CCNY: variants seen among roughly 807,000 people sequenced by gnomAD.
CCNY encodes cyclin Y.
A neutral mutation model predicts 42.8 loss-of-function variants in CCNY; 19 were observed. The observed-to-expected ratio is 0.44, with a 90% confidence interval of 0.31 to 0.65. The LOEUF is 0.65. Ranked by LOEUF, CCNY falls within the 30% of genes least tolerant of loss-of-function variation. CCNY has a pLI of 0.07. For missense variants in CCNY, 370 were observed against 437.3 expected (o/e 0.85, Z 1.37); for synonymous variants, 165 against 162.7 (o/e 1.01, Z -0.11).
chr10:35,478,481 G>A (rs1270133038), intron 1 of CCNY, among the ~76,000 whole-genome samples: 2 of 151,732 alleles, frequency 1.3e-5, no homozygotes, highest in South Asian at 2.1e-4. Flanking sequence ...CAGAAATAAC[G>A]CCGCATATCT....
At chr10:35,478,990 A>C (rs1310140814) in intron 1 of CCNY, among the ~76,000 whole-genome samples, 1 of 152,254 alleles carries the variant, frequency 6.6e-6, no homozygotes, top group Non-Finnish European at 1.5e-5. Context: ...ATGCAGCCAA[A>C]AAACACGTGA....
At chr10:35,439,194 A>T (rs1241484023) in intron 1 of CCNY, among the ~76,000 whole-genome samples, 1 of 152,164 alleles carries the variant, frequency 6.6e-6, no homozygotes, top group Non-Finnish European at 1.5e-5. Context: ...ATACTTTCCA[A>T]GCCCTGCCCG....
intron 7 of CCNY, among the ~76,000 whole-genome samples, chr10:35,552,298 T>A (rs1400367203): frequency 1.3e-5 from 2 of 152,220 alleles, no homozygotes; most frequent in African/African-American, 4.8e-5. Context: ...ATTCTACCAA[T>A]ATGATGTGCC....
At chr10:35,509,714 T>C (rs1177999970) in intron 3 of CCNY, among the ~76,000 whole-genome samples, 1 of 152,218 alleles carries the variant, frequency 6.6e-6, no homozygotes, top group Non-Finnish European at 1.5e-5. Flanking sequence ...GATGGTGCTT[T>C]CCTCTCTCCC....
At chr10:35,564,482 T>A (rs1367422337) in intron 8 of CCNY, among the ~76,000 whole-genome samples, 1 of 152,026 alleles carries the variant, frequency 6.6e-6, no homozygotes, top group African/African-American at 2.4e-5. Context: ...CCTCAGTCCT[T>A]CATAGCTGAG....
chr10:35,313,179 A>G (rs1835710179), intron 3 of CCNY, among the ~76,000 whole-genome samples: 1 of 152,122 alleles, frequency 6.6e-6, no homozygotes, highest in South Asian at 2.1e-4. Context: ...CTCGTGTTTG[A>G]AAGTGTGGAA....
intron 3 of CCNY, among the ~76,000 whole-genome samples, chr10:35,264,106 G>A (rs2095722493): frequency 6.6e-6 from 1 of 152,158 alleles, no homozygotes; most frequent in Admixed American, 6.6e-5. Context: ...TTGATTCCAT[G>A]TCTTTGATAT....
intron 1 of CCNY, among the ~76,000 whole-genome samples, chr10:35,402,838 A>G (rs778202812): frequency 2.0e-5 from 3 of 152,188 alleles, no homozygotes; most frequent in Non-Finnish European, 4.4e-5. Context: ...GAGCCACTAA[A>G]TACCAAGAGC....
At chr10:35,568,791 G>A (rs573304463) in intron 9 of CCNY, among the ~76,000 whole-genome samples, 23 of 152,362 alleles carry the variant, frequency 1.5e-4, no homozygotes, top group East Asian at 1.4e-3. Context: ...GACCCTGGTC[G>A]GGCCGACTGT....
chr10:35,403,610 T>C (rs1429955978), intron 1 of CCNY, among the ~76,000 whole-genome samples: 1 of 152,164 alleles, frequency 6.6e-6, no homozygotes, highest in African/African-American at 2.4e-5. Flanking sequence ...AGAGGATTAA[T>C]GATGGAGGAC....
At chr10:35,248,938 T>G (rs2095709962) in intron 2 of CCNY, among the ~76,000 whole-genome samples, 2 of 152,196 alleles carry the variant, frequency 1.3e-5, no homozygotes, top group South Asian at 4.2e-4. Flanking sequence ...TCTTTTTTAG[T>G]GACACTAGGT....
chr10:35,443,344 A>G (rs746701250), intron 1 of CCNY, among the ~76,000 whole-genome samples: 6 of 152,258 alleles, frequency 3.9e-5, no homozygotes, highest in Non-Finnish European at 7.3e-5. Context: ...AATAACAGTT[A>G]TAACACAAAC....
At chr10:35,447,694 A>T (rs1838823577) in intron 1 of CCNY, among the ~76,000 whole-genome samples, 1 of 152,212 alleles carries the variant, frequency 6.6e-6, no homozygotes, top group Non-Finnish European at 1.5e-5. Flanking sequence ...CATTTCTGCC[A>T]TGAAATGCCA....
intron 3 of CCNY, among the ~76,000 whole-genome samples, chr10:35,275,570 C>A (rs901737532): frequency 6.6e-6 from 1 of 151,506 alleles, no homozygotes; most frequent in Non-Finnish European, 1.5e-5. Flanking sequence ...AAGACCATCC[C>A]GGCTAACACG....
intron 1 of CCNY, among the ~76,000 whole-genome samples, chr10:35,385,466 T>C (rs569016566): frequency 1.3e-5 from 2 of 152,348 alleles, no homozygotes; most frequent in African/African-American, 4.8e-5. Context: ...CTTTAGTTTT[T>C]ATTTGTGTTT....
At chr10:35,362,262 CAAAT>C (rs902749253) in intron 1 of CCNY, among the ~76,000 whole-genome samples, 3 of 152,086 alleles carry the variant, frequency 2.0e-5, no homozygotes, top group Non-Finnish European at 4.4e-5. Context: ...GTGCTAAAAT[CAAAT>C]AAAAAAGAGT....
chr10:35,477,094 T>G (rs1271606380), intron 1 of CCNY, among the ~76,000 whole-genome samples: 2 of 152,108 alleles, frequency 1.3e-5, no homozygotes, highest in Non-Finnish European at 2.9e-5. Context: ...CAGGAAGAAG[T>G]TGAATCTCTG....
chr10:35,544,976 GGTT>G (rs1346646314), intron 7 of CCNY, among the ~76,000 whole-genome samples: 1 of 152,162 alleles, frequency 6.6e-6, no homozygotes, highest in Non-Finnish European at 1.5e-5. Context: ...GGGCAGAGGG[GGTT>G]GTTACTGATG....
At chr10:35,347,688 T>C (rs1329055761) in intron 1 of CCNY, among the ~76,000 whole-genome samples, 3 of 152,180 alleles carry the variant, frequency 2.0e-5, no homozygotes, top group African/African-American at 7.2e-5. Flanking sequence ...ATGAGTTCTG[T>C]TTTTTGCTTC....
Sources: gnomAD v4.1 joint callset for allele counts (sites outside exome capture counted in the v4.1 genomes callset) on GRCh38, gnomAD v4.1.1 for gene constraint, MANE v1.5 for transcripts, NCBI Gene and HGNC (gene_info 2026-07-23, HGNC 2026-07-21) for gene names.